The following CACNB2 variants were observed in gnomAD, a reference collection of about 807,000 sequenced individuals.
The protein encoded by CACNB2 is voltage-dependent L-type calcium channel subunit beta-2.
A neutral mutation model predicts 73.3 loss-of-function variants in CACNB2; 42 were observed. The ratio of observed to expected loss-of-function variants is 0.57; its 90% CI spans 0.45 to 0.74. The LOEUF is 0.74. CACNB2 is among the 30% of genes least tolerant of loss of function. The pLI is 0.00. For missense variants in CACNB2, 940 were observed against 853.0 expected (o/e 1.10, Z -1.27); for synonymous variants, 348 against 310.3 (o/e 1.12, Z -1.28).
At chr10:18,486,285 T>G (rs566312461) in intron 3 of CACNB2, among the ~76,000 whole-genome samples, 1 of 152,334 alleles carries the variant, frequency 6.6e-6, no homozygotes, top group South Asian at 2.1e-4. Context: ...TTAGCTTCAC[T>G]ATTAACTCAT....
chr10:18,437,321 T>C (rs1203283343), intron 3 of CACNB2, among the ~76,000 whole-genome samples: 1 of 151,948 alleles, frequency 6.6e-6, no homozygotes, highest in Non-Finnish European at 1.5e-5. Flanking sequence ...GTTAGTGCAG[T>C]TGGCCATTGA....
chr10:18,393,483 G>C (rs974201442), intron 2 of CACNB2, among the ~76,000 whole-genome samples: 6 of 152,104 alleles, frequency 3.9e-5, no homozygotes, highest in African/African-American at 1.2e-4. Context: ...ATAATTTGGT[G>C]GTAACAGCAT....
chr10:18,390,362 G>A (rs1218017333), intron 2 of CACNB2, among the ~76,000 whole-genome samples: 1 of 152,096 alleles, frequency 6.6e-6, no homozygotes, highest in East Asian at 1.9e-4. Context: ...ACAGGCACCC[G>A]CCACCATGCC....
intron 3 of CACNB2, among the ~76,000 whole-genome samples, chr10:18,465,664 T>C (rs2047837802): frequency 6.6e-6 from 1 of 151,472 alleles, no homozygotes; most frequent in African/African-American, 2.4e-5. Flanking sequence ...CAAAGATAAG[T>C]ACGTCATCCA....
At chr10:18,152,998 A>G (rs779729351) in intron 2 of CACNB2, among the ~76,000 whole-genome samples, 7 of 152,184 alleles carry the variant, frequency 4.6e-5, no homozygotes, top group African/African-American at 1.4e-4. Flanking sequence ...TAATAACCCA[A>G]TTCACATGGC....
chr10:18,534,531 C>T (rs2053372128), intron 11 of CACNB2, among the ~76,000 whole-genome samples: 1 of 152,150 alleles, frequency 6.6e-6, no homozygotes, highest in African/African-American at 2.4e-5. Flanking sequence ...ATTTGCATGG[C>T]TGATGCAAAA....
intron 3 of CACNB2, among the ~76,000 whole-genome samples, chr10:18,481,499 G>A (rs943538770): frequency 2.0e-5 from 3 of 151,214 alleles, no homozygotes; most frequent in Middle Eastern, 3.4e-3. Flanking sequence ...TGCCCGCCTC[G>A]GCATCCCAAA....
At chr10:18,164,946 A>AT (rs1340398743) in intron 2 of CACNB2, among the ~76,000 whole-genome samples, 3 of 151,724 alleles carry the variant, frequency 2.0e-5, no homozygotes, top group Admixed American at 6.6e-5. Flanking sequence ...TTATTCATTC[A>AT]TTTTTTTTCA....
chr10:18,273,583 A>G (rs1468101358), intron 2 of CACNB2, among the ~76,000 whole-genome samples: 1 of 152,192 alleles, frequency 6.6e-6, no homozygotes, highest in Non-Finnish European at 1.5e-5. Context: ...GATTATGGAA[A>G]TGGTGGCTAA....
intron 2 of CACNB2, among the ~76,000 whole-genome samples, chr10:18,222,123 G>A (rs1307545136): frequency 2.0e-5 from 3 of 152,176 alleles, no homozygotes; most frequent in Admixed American, 6.5e-5. Flanking sequence ...ATACACCTGT[G>A]ACGTGTCCTG....
intron 2 of CACNB2, among the ~76,000 whole-genome samples, chr10:18,227,050 A>C (rs990400378): frequency 6.6e-6 from 1 of 152,182 alleles, no homozygotes; most frequent in Non-Finnish European, 1.5e-5. Context: ...CCCACATTAG[A>C]GGCAGAAAAA....
intron 2 of CACNB2, among the ~76,000 whole-genome samples, chr10:18,156,930 T>C (rs35653909): frequency 0.2 from 30,316 of 151,312 alleles, 3,257 homozygotes; most frequent in African/African-American, 0.28. Context: ...TCCCAGCTAC[T>C]TGGGAGGCTG....
intron 2 of CACNB2, among the ~76,000 whole-genome samples, chr10:18,196,404 C>T (rs987052085): frequency 5.3e-5 from 8 of 151,814 alleles, no homozygotes; most frequent in African/African-American, 2.4e-5. Context: ...GCAGCCTCCA[C>T]CTCCTGGACT....
At chr10:18,474,015 G>C (rs1015802452) in intron 3 of CACNB2, among the ~76,000 whole-genome samples, 1 of 152,162 alleles carries the variant, frequency 6.6e-6, no homozygotes, top group Non-Finnish European at 1.5e-5. Flanking sequence ...GGTTGGATTT[G>C]CTCGCTAAGA....
At chr10:18,204,408 T>C (rs577326022) in intron 2 of CACNB2, among the ~76,000 whole-genome samples, 6 of 152,354 alleles carry the variant, frequency 3.9e-5, no homozygotes, top group Admixed American at 2.6e-4. Flanking sequence ...TATTTGTAGA[T>C]GTGAATTGTG....
intron 2 of CACNB2, among the ~76,000 whole-genome samples, chr10:18,288,676 T>TACACACACACACCC (rs2038908727): frequency 6.9e-6 from 1 of 144,312 alleles, no homozygotes; most frequent in South Asian, 2.2e-4. Flanking sequence ...ATGAGATTTA[T>TACACACACACACCC]ACACACACAC....
rs1450191420 is a variant in CACNB2, at chr10:18,346,116, CCTCTT to C, written c.214-55807_214-55803del. Among the ~76,000 whole-genome samples, 3 of 152,256 alleles carry C rather than the reference CCTCTT, an allele frequency of 2.0e-5. No individual in the cohort carries two copies. The South Asian group carries it at 6.2e-4, about 32-fold the overall frequency. ...TGGCCATTCAGAGATCTTCCACTCTCCTCTTAAGAGGTGGAGAACTGGAACTTTCT... is the reference window on the plus strand; with the variant it reads ...TGGCCATTCAGAGATCTTCCACTCTCAAGAGGTGGAGAACTGGAACTTTCT... On this transcript the variant is annotated intron_variant, in intron 2 of 13. Transcript: ENST00000324631.
At chr10:18,346,736 A>G (rs2041473890) in intron 2 of CACNB2, among the ~76,000 whole-genome samples, 1 of 151,930 alleles carries the variant, frequency 6.6e-6, no homozygotes, top group South Asian at 2.1e-4. Context: ...AGCTGGGACT[A>G]CAGGCATGTG....
intron 2 of CACNB2, among the ~76,000 whole-genome samples, chr10:18,242,125 G>A (rs1037473962): frequency 1.7e-4 from 26 of 150,744 alleles, no homozygotes; most frequent in East Asian, 5.9e-4. Context: ...GTGTGTGTGT[G>A]TATATATATA....
Sources: allele counts gnomAD v4.1 joint callset (sites outside exome capture counted in the v4.1 genomes callset), GRCh38; gene constraint gnomAD v4.1.1; transcripts MANE v1.5; gene names NCBI Gene and HGNC (gene_info 2026-07-23, HGNC 2026-07-21).